The following B3GALT1 variants were observed in gnomAD, a reference collection of about 807,000 sequenced individuals.
The protein encoded by B3GALT1 is UDP-Gal:betaGlcNAc beta 1,3-galactosyltransferase, polypeptide 1.
A neutral mutation model predicts 23.2 loss-of-function variants in B3GALT1; 10 were observed. The observed-to-expected ratio is 0.43, with a 90% CI of 0.27 to 0.73. The LOEUF (loss-of-function observed/expected upper bound fraction) is 0.73. B3GALT1 is among the 30% of genes least tolerant of loss of function. B3GALT1 has a pLI of 0.21. For missense variants in B3GALT1, 299 were observed against 405.4 expected, an observed-to-expected ratio of 0.74 and a Z score of 2.25; for synonymous variants, 156 against 141.5, an observed-to-expected ratio of 1.10 and a Z score of -0.73.
intron 3 of B3GALT1, among the ~76,000 whole-genome samples, chr2:167,653,692 C>T (rs1283372493): frequency 6.6e-6 from 1 of 152,238 alleles, no homozygotes; most frequent in African/African-American, 2.4e-5. Context: ...CCGAGCAGTA[C>T]CTGCACCCAG....
chr2:167,805,772 G>A (rs1259079934), intron 3 of B3GALT1, among the ~76,000 whole-genome samples: 1 of 152,164 alleles, frequency 6.6e-6, no homozygotes, highest in African/African-American at 2.4e-5. Context: ...GATGCCTCCA[G>A]CTTTGTTCTT....
chr2:167,556,688 A>G (rs922909841), intron 2 of B3GALT1, among the ~76,000 whole-genome samples: 5 of 152,242 alleles, frequency 3.3e-5, no homozygotes, highest in African/African-American at 7.2e-5. Context: ...TGAGTAGACT[A>G]TTCATCCCTC....
chr2:167,755,500 C>T (rs1420461090), intron 3 of B3GALT1, among the ~76,000 whole-genome samples: 15 of 146,978 alleles, frequency 1.0e-4, no homozygotes, highest in Non-Finnish European at 1.4e-4. Context: ...CCCCTCCAAT[C>T]AATGAGGGGT....
At chr2:167,445,295 A>G (rs1698962307) in intron 1 of B3GALT1, among the ~76,000 whole-genome samples, 1 of 152,178 alleles carries the variant, frequency 6.6e-6, no homozygotes, top group Non-Finnish European at 1.5e-5. Flanking sequence ...CTACGTGGTC[A>G]ATTTTGGAAT....
intron 3 of B3GALT1, among the ~76,000 whole-genome samples, chr2:167,670,793 A>G (rs777615960): frequency 6.6e-6 from 1 of 152,192 alleles, no homozygotes; most frequent in African/African-American, 2.4e-5. Context: ...ATAGCAGGCT[A>G]AATTAAACAA....
rs138178715 is a variant in B3GALT1 at position 167,523,791 on chromosome 2, G to GTC, written c.-410+33515_-410+33516dup. Among the ~76,000 whole-genome samples, 1,028 of 152,184 alleles carry GTC rather than the reference G, an allele frequency of 6.8e-3. 15 individuals are homozygous for GTC. Among genetic ancestry groups the GTC allele is most frequent in the African/African-American group, 0.024 (981 of 41,520 alleles). ...CAAACAAGAGCAGTATATACACGAT[G>GTC]TCCTGTACTTTGCTATTTGAAATAT... is the stretch of plus-strand genomic sequence containing the variant. On this transcript the variant is annotated intron_variant, in intron 2 of 4. Coordinates refer to ENST00000392690, the MANE Select transcript of B3GALT1 (RefSeq NM_020981.4).
intron 3 of B3GALT1, among the ~76,000 whole-genome samples, chr2:167,693,025 T>C (rs1686738197): frequency 6.6e-6 from 1 of 151,622 alleles, no homozygotes; most frequent in Non-Finnish European, 1.5e-5. Flanking sequence ...ATTATAGCCC[T>C]TGAGGAAGCA....
intron 2 of B3GALT1, among the ~76,000 whole-genome samples, chr2:167,590,704 T>TA (rs1424709255): frequency 6.6e-6 from 1 of 152,224 alleles, no homozygotes; most frequent in Non-Finnish European, 1.5e-5. Flanking sequence ...TAAGCTACTT[T>TA]AAAAATCCAT....
intron 1 of B3GALT1, among the ~76,000 whole-genome samples, chr2:167,489,247 C>T (rs1211437854): frequency 6.6e-6 from 1 of 152,250 alleles, no homozygotes. Context: ...ACACCATTGG[C>T]GTCCTTTTTC....
chr2:167,512,848 T>C (rs1700046529), intron 2 of B3GALT1, among the ~76,000 whole-genome samples: 1 of 148,248 alleles, frequency 6.7e-6, no homozygotes, highest in African/African-American at 2.5e-5. Context: ...TTTGCCATGT[T>C]GCCAAGGCTG....
intron 2 of B3GALT1, among the ~76,000 whole-genome samples, chr2:167,548,949 G>T (rs996238343): frequency 2.6e-5 from 4 of 151,776 alleles, no homozygotes; most frequent in African/African-American, 9.7e-5. Context: ...CTCTCATTTT[G>T]TATTAATCTA....
At chr2:167,305,683 A>G (rs985963003) in intron 1 of B3GALT1, among the ~76,000 whole-genome samples, 3 of 152,098 alleles carry the variant, frequency 2.0e-5, no homozygotes, top group Non-Finnish European at 4.4e-5. Context: ...CCAGGTTTGC[A>G]CTTATCTATT....
chr2:167,491,347 A>T (rs951730971), intron 2 of B3GALT1, among the ~76,000 whole-genome samples: 8 of 152,186 alleles, frequency 5.3e-5, no homozygotes, highest in Non-Finnish European at 1.0e-4. Flanking sequence ...ATAAGAAGTA[A>T]CAACTGCGAA....
chr2:167,344,014 G>A (rs1214333600), intron 1 of B3GALT1, among the ~76,000 whole-genome samples: 1 of 152,138 alleles, frequency 6.6e-6, no homozygotes, highest in African/African-American at 2.4e-5. Flanking sequence ...AGGGAGTATT[G>A]GGTGGCTATG....
rs114913610 is a variant in B3GALT1 at position 167,537,701 on chromosome 2, C to T, written c.-410+47424C>T. Among the ~76,000 whole-genome samples the T allele has an allele frequency of 5.3e-3, 812 of 152,248 alleles. 9 individuals carry two copies. Among genetic ancestry groups the T allele is most frequent in the African/African-American group, 0.018 (762 of 41,554 alleles). ...CTCAGAAATTTTCTGACCTCCACTC[C>T]GCCTATCTAAACCTTTTCCTTACTT... is the stretch of plus-strand genomic sequence containing the variant. On this transcript the variant is annotated intron_variant, in intron 2 of 4. Transcript: ENST00000392690.
intron 2 of B3GALT1, among the ~76,000 whole-genome samples, chr2:167,535,761 T>C (rs904481831): frequency 3.9e-5 from 6 of 152,194 alleles, no homozygotes; most frequent in African/African-American, 1.4e-4. Flanking sequence ...TTATCATTTC[T>C]ATTGAAAAAC....
At position 167,303,838 on chromosome 2, in the gene B3GALT1, C is replaced by T. The variant is rs1190200235; in HGVS notation, c.-511+10504C>T. ...TTTCCATGAGCAATTCAGAGTTTAT[C>T]CCCTCAGACTGAGCTGGAAAGGCCA... On this transcript the variant is annotated intron_variant, in intron 1 of 4. Coordinates refer to ENST00000392690, the MANE Select transcript of B3GALT1 (RefSeq NM_020981.4). Among the ~76,000 whole-genome samples the T allele has an allele frequency of 2.0e-5, 3 of 151,946 alleles. No individual in the cohort carries two copies. The East Asian group carries it at 5.8e-4, about 29-fold the overall frequency.
chr2:167,804,504 T>G (rs1348809594), intron 3 of B3GALT1, among the ~76,000 whole-genome samples: 1 of 151,388 alleles, frequency 6.6e-6, no homozygotes, highest in African/African-American at 2.4e-5. Context: ...CAGGCCCCAG[T>G]GTGTGATGTT....
intron 2 of B3GALT1, among the ~76,000 whole-genome samples, chr2:167,603,686 C>A (rs1428534118): frequency 1.3e-5 from 2 of 152,134 alleles, no homozygotes; most frequent in Admixed American, 1.3e-4. Flanking sequence ...AGCCAGTTGC[C>A]TCTATATGTG....
Sources: allele counts gnomAD v4.1 joint callset (sites outside exome capture counted in the v4.1 genomes callset), GRCh38; gene constraint gnomAD v4.1.1; transcripts MANE v1.5; gene names NCBI Gene and HGNC (gene_info 2026-07-23, HGNC 2026-07-21).